MCPH1: variants seen among roughly 807,000 people sequenced by gnomAD.
MCPH1 encodes microcephalin 1, also known as microcephalin.
Under a neutral mutation model 84.5 loss-of-function variants are expected in MCPH1, and 104 were observed. That is an observed-to-expected ratio of 1.23 (90% CI 1.05 to 1.45). The LOEUF (loss-of-function observed/expected upper bound fraction) is 1.45, where lower values mean the gene tolerates loss of function less well. MCPH1 is among the 40% of genes most tolerant of loss of function. The pLI is 0.00. For missense variants in MCPH1, 1,498 were observed against 1,005.7 expected (o/e 1.49, Z -6.62); for synonymous variants, 514 against 366.8 (o/e 1.40, Z -4.58).
intron 11 of MCPH1, 133 bp from the exon 12 acceptor site, chr8:6,499,719 G>C: frequency 2.7e-6 from 2 of 745,810 alleles, no homozygotes; most frequent in Non-Finnish European, 2.4e-6. Context: ...AAGGGACTTT[G>C]TTGTCTGAGA....
At chr8:6,434,720 T>G (rs1802389739) in intron 4 of MCPH1, among the ~76,000 whole-genome samples, 1 of 152,164 alleles carries the variant, frequency 6.6e-6, no homozygotes, top group Non-Finnish European at 1.5e-5. Flanking sequence ...AAGAAGTTCT[T>G]TCTATGAGAC....
intron 12 of MCPH1, among the ~76,000 whole-genome samples, chr8:6,551,008 CTT>C (rs2129574899): frequency 6.6e-6 from 1 of 152,302 alleles, no homozygotes; most frequent in Admixed American, 6.5e-5. Context: ...ACCCTGTAGA[CTT>C]TTGAAACCAA....
chr8:6,446,922 G>C lies in MCPH1; in HGVS notation c.1825+1375G>C, dbSNP rs982374888. ...TCCGGGGTTGGGGGTAAGTAGAAGGGGGTGAGGGGCCAGCACTAGTTGACT... is the reference window on the plus strand; with the variant it reads ...TCCGGGGTTGGGGGTAAGTAGAAGGCGGTGAGGGGCCAGCACTAGTTGACT... On this transcript the variant is annotated intron_variant, in intron 8 of 13. Transcript: ENST00000344683. 1.5e-5 allele frequency: 15 copies of C among 985,280 alleles called. No individual in the cohort carries two copies. In the African/African-American group the frequency reaches 2.4e-4, roughly 16 times the overall value. 61.0% of individuals were successfully genotyped at this position (985,280 alleles called of 1,614,324 possible).
In MCPH1 at chr8:6,621,576, C is replaced by T. The variant is rs1390503393; in HGVS notation, c.2337C>T (p.Val779=). The part of the protein sequence containing the change: ...SPPVAKLCEL[V]HLCGGRVSQV... ...CAGTGGCCAAGCTCTGTGAACTAGT[C>T]CACCTGTGCGGAGGCCGGGTCAGCC... The change falls in exon 13 of 14, where the codon GTC becomes GTT. Residue 779 remains valine (V), a synonymous_variant. Coordinates refer to ENST00000344683, the MANE Select transcript of MCPH1 (RefSeq NM_024596.5). 6.2e-7 allele frequency: 1 copy of T among 1,614,112 alleles called. No individual in the cohort carries two copies. The highest frequency in any genetic ancestry group is 1.3e-5 in the African/African-American group (1 of 74,940).
intron 12 of MCPH1, among the ~76,000 whole-genome samples, chr8:6,527,899 A>ATTTTTTTTTTGT (rs1818657403): frequency 7.5e-6 from 1 of 133,122 alleles, no homozygotes; most frequent in Non-Finnish European, 1.6e-5. Flanking sequence ...CCACGTCTCT[A>ATTTTTTTTTTGT]TTTTTTTTTT....
chr8:6,633,787 C>A (rs1421291170), intron 13 of MCPH1, among the ~76,000 whole-genome samples: 1 of 152,202 alleles, frequency 6.6e-6, no homozygotes, highest in Non-Finnish European at 1.5e-5. Flanking sequence ...CCATGCATTA[C>A]TCACTGTGGT....
At chr8:6,563,158 C>G (rs111553140) in intron 12 of MCPH1, 196 of 429,498 alleles carry the variant, frequency 4.6e-4, no homozygotes, top group Non-Finnish European at 7.0e-4. Flanking sequence ...GAAGAACAGT[C>G]CTGCTCACTT....
intron 12 of MCPH1, among the ~76,000 whole-genome samples, chr8:6,542,991 A>C (rs1821886499): frequency 1.3e-5 from 2 of 152,152 alleles, no homozygotes; most frequent in Admixed American, 1.3e-4. Context: ...TTCTGTTTTA[A>C]AAAGGGAGAG....
At chr8:6,412,291 A>T (rs1238956720) in intron 2 of MCPH1, among the ~76,000 whole-genome samples, 1 of 152,220 alleles carries the variant, frequency 6.6e-6, no homozygotes, top group Non-Finnish European at 1.5e-5. Flanking sequence ...AGGAGGAACT[A>T]CTGTGAATAA....
At chr8:6,633,946 G>C (rs112918670) in intron 13 of MCPH1, among the ~76,000 whole-genome samples, 1 of 152,192 alleles carries the variant, frequency 6.6e-6, no homozygotes, top group Non-Finnish European at 1.5e-5. Context: ...TGGAGGAACT[G>C]AACAGCAGTA....
chr8:6,580,379 A>G (rs1327465042), intron 12 of MCPH1, among the ~76,000 whole-genome samples: 4 of 152,222 alleles, frequency 2.6e-5, no homozygotes, highest in Non-Finnish European at 4.4e-5. Flanking sequence ...AGTTGGGGCC[A>G]GGCATGGTGG....
chr8:6,562,128 G>A (rs1187731451), intron 12 of MCPH1, among the ~76,000 whole-genome samples: 1 of 152,196 alleles, frequency 6.6e-6, no homozygotes, highest in Non-Finnish European at 1.5e-5. Flanking sequence ...CGTTTACCAA[G>A]AGTCACAACC....
intron 12 of MCPH1, among the ~76,000 whole-genome samples, chr8:6,578,424 G>C (rs1827286971): frequency 6.6e-6 from 1 of 152,202 alleles, no homozygotes; most frequent in African/African-American, 2.4e-5. Context: ...TTTCAGAACA[G>C]AAGAACTAAT....
Position 6,473,887 on chromosome 8 carries a change from C to T in MCPH1, c.1936-3707C>T, listed in dbSNP as rs1336485518. 8 of 1,520,600 alleles carry T rather than the reference C, an allele frequency of 5.3e-6. No homozygotes were observed. In the East Asian group the frequency reaches 1.6e-4, roughly 30 times the overall value. 94.2% of individuals were successfully genotyped at this position (1,520,600 alleles called of 1,614,324 possible). ...TCCACTGCTCAATCCATTTCAAGAT[C>T]TGATCTACATTATTTTCTAGCTCTT... is the stretch of plus-strand genomic sequence containing the variant. On this transcript the variant is annotated intron_variant, in intron 9 of 13. Coordinates refer to ENST00000344683, the MANE Select transcript of MCPH1 (RefSeq NM_024596.5).
chr8:6,602,557 C>T (rs1829456397), intron 12 of MCPH1, among the ~76,000 whole-genome samples: 1 of 152,084 alleles, frequency 6.6e-6, no homozygotes, highest in Admixed American at 6.5e-5. Context: ...CTCTCCCACT[C>T]AGAGAGCCTT....
intron 8 of MCPH1, chr8:6,445,937 G>C: frequency 7.1e-6 from 7 of 987,280 alleles, no homozygotes; most frequent in Non-Finnish European, 8.4e-6. Flanking sequence ...GTTCTTAATA[G>C]TGAGGCTATT....
At chr8:6,626,924 T>G (rs1262051796) in intron 13 of MCPH1, 1 of 983,960 alleles carries the variant, frequency 1.0e-6, no homozygotes, top group African/African-American at 1.8e-5. Flanking sequence ...TCCATTCAAG[T>G]GATAAGACAT....
intron 3 of MCPH1, among the ~76,000 whole-genome samples, chr8:6,415,440 G>C (rs1369631268): frequency 6.6e-6 from 1 of 151,806 alleles, no homozygotes; most frequent in Non-Finnish European, 1.5e-5. Flanking sequence ...CTCAACCTTT[G>C]CCTCCTGGGC....
chr8:6,607,513 G>C (rs935334995), intron 12 of MCPH1, among the ~76,000 whole-genome samples: 1 of 152,210 alleles, frequency 6.6e-6, no homozygotes, highest in Non-Finnish European at 1.5e-5. Context: ...ACCTAGCAAT[G>C]GGTGAGGAAA....
Sources: allele counts gnomAD v4.1 joint callset (sites outside exome capture counted in the v4.1 genomes callset), GRCh38; gene constraint gnomAD v4.1.1; transcripts MANE v1.5; gene names NCBI Gene and HGNC (gene_info 2026-07-23, HGNC 2026-07-21).